RDH11: variants seen among roughly 807,000 people sequenced by gnomAD.
RDH11 encodes the protein HCV core-binding protein HCBP12.
RDH11 carries 19 observed loss-of-function variants against 33.4 expected under a neutral mutation model. The observed-to-expected ratio is 0.57, with a 90% CI of 0.40 to 0.83. RDH11 has a LOEUF of 0.83. RDH11 is among the 40% of genes least tolerant of loss of function. The pLI, the probability that RDH11 is intolerant of heterozygous loss-of-function variation, is 0.00. For synonymous variants in RDH11, 154 were observed against 155.3 expected, an observed-to-expected ratio of 0.99 and a Z score of 0.06; for missense variants, 353 against 389.0, an observed-to-expected ratio of 0.91 and a Z score of 0.78.
chr14:67,680,978 T>G (rs1055586891), intron 6 of RDH11, among the ~76,000 whole-genome samples: 1 of 152,204 alleles, frequency 6.6e-6, no homozygotes, highest in South Asian at 2.1e-4. Flanking sequence ...TTATGGTCAA[T>G]TGATTTTTGA....
At chr14:67,684,746 A>C in intron 6 of RDH11, 1 of 268,100 alleles carries the variant, frequency 3.7e-6, no homozygotes, top group Non-Finnish European at 6.9e-6. Context: ...GGAATCCAAA[A>C]AAGAATAAAG....
Position 67,692,961 on chromosome 14 carries a change from C to T in RDH11, c.166G>A (p.Glu56Lys). The T allele has an allele frequency of 6.2e-7, 1 of 1,613,958 alleles. No individual in the cohort carries two copies. The highest frequency in any genetic ancestry group is 8.5e-7 in the Non-Finnish European group (1 of 1,179,876). ...CTCTGAGCCAGCTCTTTGGCTGTCT[C>T]CTTCCCGATACCTGTATTAGCTCCT... The part of the protein sequence containing the change: ...VTGANTGIGK[E>K]TAKELAQRGA... Residue 56 changes from glutamate (E) to lysine (K), a missense_variant, in exon 2 of 7, where the codon GAG (glutamate) becomes AAG (lysine). By Grantham distance (56) the Glu-to-Lys change is moderately conservative. Coordinates refer to ENST00000381346, the MANE Select transcript of RDH11 (RefSeq NM_016026.4).
chr14:67,692,079 G>T (rs553408214), intron 3 of RDH11: 1 of 182,238 alleles, frequency 5.5e-6, no homozygotes. Flanking sequence ...TCTCAACTTT[G>T]TGTAGAACCT....
chr14:67,685,169 T>C lies in RDH11; in HGVS notation c.700A>G (p.Thr234Ala). The change falls in exon 6 of 7, where the codon ACA (threonine) becomes GCA (alanine). Residue 234 changes from threonine to alanine, a missense_variant. Coordinates refer to ENST00000381346, the MANE Select transcript of RDH11 (RefSeq NM_016026.4). Reference sequence around the variant, plus strand: ...TGCCGAACCAGTTCAGATTGGACTGTGCCAGGGTGTACAGAATACGTCGTA... The same window carrying C: ...TGCCGAACCAGTTCAGATTGGACTGCGCCAGGGTGTACAGAATACGTCGTA... Reference protein sequence around the residue: ...GVTTYSVHPGTVQSELVRHSS... With the variant: ...GVTTYSVHPGAVQSELVRHSS... 1 of 1,614,116 alleles carries C rather than the reference T, an allele frequency of 6.2e-7. No homozygotes were observed. The highest frequency in any genetic ancestry group is 8.5e-7 in the Non-Finnish European group (1 of 1,180,016).
intron 6 of RDH11, among the ~76,000 whole-genome samples, chr14:67,681,624 A>C (rs2140057490): frequency 6.6e-6 from 1 of 152,302 alleles, no homozygotes; most frequent in Admixed American, 6.5e-5. Flanking sequence ...TCTACTAAAA[A>C]TACAAAAATT....
intron 1 of RDH11, among the ~76,000 whole-genome samples, chr14:67,694,248 A>G (rs2057119): frequency 0.41 from 62,975 of 151,794 alleles, 14,289 homozygotes; most frequent in East Asian, 0.68. Context: ...CCTCCTCAGA[A>G]AACAAGCCTC....
chr14:67,694,245 A>G (rs2037794095), intron 1 of RDH11, among the ~76,000 whole-genome samples: 1 of 152,122 alleles, frequency 6.6e-6, no homozygotes, highest in African/African-American at 2.4e-5. Flanking sequence ...CTCCCTCCTC[A>G]GAAAACAAGC....
Position 67,680,198 on chromosome 14 carries a change from G to A in RDH11, c.855-1775C>T, listed in dbSNP as rs78891962. On this transcript the variant is annotated intron_variant, in intron 6 of 6. Transcript: ENST00000381346. ...AAATACCATTTCAAAATATCGTCAC[G>A]TTTACAAAACAAGTCTTATCAGTAC... is the stretch of plus-strand genomic sequence containing the variant. Among the ~76,000 whole-genome samples the A allele has an allele frequency of 3.2e-3, 494 of 152,272 alleles. 17 individuals carry two copies. In the East Asian group the frequency reaches 0.081, roughly 25 times the overall value.
At chr14:67,694,467 T>TAC (rs1566831654) in intron 1 of RDH11, among the ~76,000 whole-genome samples, 1 of 104,864 alleles carries the variant, frequency 9.5e-6, no homozygotes, top group Non-Finnish European at 2.2e-5. Flanking sequence ...CACACACACA[T>TAC]ATATATATAT....
chr14:67,690,182 T>C (rs1170904041), intron 5 of RDH11, 30 bp downstream of exon 5: 2 of 1,591,990 alleles, frequency 1.3e-6, no homozygotes, highest in African/African-American at 1.3e-5. Flanking sequence ...CTCTGACTCA[T>C]GTCTCCACAT....
At chr14:67,685,484 G>A (rs946455467) in intron 5 of RDH11, among the ~76,000 whole-genome samples, 4 of 152,092 alleles carry the variant, frequency 2.6e-5, no homozygotes, top group Admixed American at 6.6e-5. Flanking sequence ...ACTTAACATC[G>A]TTGACCACCC....
chr14:67,693,095 G>C, intron 1 of RDH11, 43 bp from the exon 2 acceptor site: 1 of 1,388,558 alleles, frequency 7.2e-7, no homozygotes, highest in Non-Finnish European at 1.0e-6. Flanking sequence ...TCATTCTACT[G>C]TCTCAGCCAG....
In RDH11 at chr14:67,690,406, G is replaced by A; in HGVS notation, c.470C>T (p.Thr157Ile). Reference protein sequence around the residue: ...GVNHLGHFLLTHLLLEKLKES... With the variant: ...GVNHLGHFLLIHLLLEKLKES... ...CTTTAGTTTCTCTAGCAGCAGATGG[G>A]TTAGGAGGAAGTGACCTGTTGAGAA... is the stretch of plus-strand genomic sequence containing the variant. Residue 157 changes from threonine (T) to isoleucine (I), a missense_variant, in exon 5 of 7, where the codon ACC becomes ATC. Thr to Ile is a moderately conservative substitution (Grantham distance 89, BLOSUM62 -1). Transcript: ENST00000381346. The A allele has an allele frequency of 6.2e-7, 1 of 1,614,152 alleles. No individual in the cohort carries two copies. Among genetic ancestry groups the A allele is most frequent in the East Asian group, 2.2e-5 (1 of 44,890 alleles).
chr14:67,690,108 C>G (rs1316618988), intron 5 of RDH11, 104 bp downstream of exon 5: 1 of 919,662 alleles, frequency 1.1e-6, no homozygotes, highest in Non-Finnish European at 1.7e-6. Flanking sequence ...GCCACGGAAG[C>G]AGGTCCTCTC....
At chr14:67,680,732 T>C (rs1346101215) in intron 6 of RDH11, among the ~76,000 whole-genome samples, 1 of 152,202 alleles carries the variant, frequency 6.6e-6, no homozygotes, top group African/African-American at 2.4e-5. Flanking sequence ...GTGCAGGGAT[T>C]ACAGGCGTGA....
At position 67,692,608 on chromosome 14, in the gene RDH11, A is replaced by G; in HGVS notation, c.194-15T>C. 3.9e-6 allele frequency: 6 copies of G among 1,540,886 alleles called. No individual in the cohort carries two copies. The South Asian group carries it at 6.4e-5, about 16-fold the overall frequency. ...TACTCGAGCTCCTGTCAGCCAACAT[A>G]TGAAAGAGAAATGGTCAGCTCTGTT... On this transcript the variant is annotated splice_polypyrimidine_tract_variant and intron_variant, in intron 2 of 6. Transcript: ENST00000381346.
Position 67,690,250 on chromosome 14 carries a change from T to C in RDH11, c.626A>G (p.Asn209Ser). 4.3e-6 allele frequency: 7 copies of C among 1,613,996 alleles called. No individual in the cohort carries two copies. The highest frequency in any genetic ancestry group is 5.1e-6 in the Non-Finnish European group (6 of 1,180,014). ...GGCCAGTTCCTGGGTGAAGAGGATG[T>C]TGGCTAGCTTGCTGTGACAGTAGGC... ...GLAYCHSKLANILFTQELARR... is the reference protein window; with the variant it reads ...GLAYCHSKLASILFTQELARR... Residue 209 changes from asparagine to serine, a missense_variant, in exon 5 of 7, where the codon AAC (asparagine) becomes AGC (serine). Asn to Ser is a conservative substitution (Grantham distance 46). Coordinates refer to ENST00000381346, the MANE Select transcript of RDH11 (RefSeq NM_016026.4).
Position 67,695,733 on chromosome 14 carries a change from G to A in RDH11, c.-30C>T, listed in dbSNP as rs375257292. On this transcript the variant is annotated 5_prime_UTR_variant, in exon 1 of 7. Transcript: ENST00000381346. Reference sequence around the variant, plus strand: ...GCCGGCTGCAGCGGCACCAGAGCGGGATGCTCCAGCGTTGCTCGCCGACTA... The same window carrying A: ...GCCGGCTGCAGCGGCACCAGAGCGGAATGCTCCAGCGTTGCTCGCCGACTA... The A allele has an allele frequency of 5.6e-6, 9 of 1,610,240 alleles. No individual in the cohort carries two copies. Among genetic ancestry groups the A allele is most frequent in the African/African-American group, 1.3e-5 (1 of 74,974 alleles).
chr14:67,694,127 T>C (rs1469601432), intron 1 of RDH11, among the ~76,000 whole-genome samples: 2 of 152,178 alleles, frequency 1.3e-5, no homozygotes, highest in Non-Finnish European at 2.9e-5. Context: ...GCCTTTTTCA[T>C]TGAACTTGGA....
Sources: allele counts gnomAD v4.1 joint callset (sites outside exome capture counted in the v4.1 genomes callset), GRCh38; gene constraint gnomAD v4.1.1; transcripts MANE v1.5; gene names NCBI Gene and HGNC (gene_info 2026-07-23, HGNC 2026-07-21).